Variants in LPCAT2 observed in about 807,000 individuals in gnomAD.
LPCAT2 encodes lysophosphatidylcholine acyltransferase 2.
In LPCAT2, 58 loss-of-function variants were observed where a neutral mutation model predicts 64.7. The ratio of observed to expected loss-of-function variants is 0.90; its 90% CI spans 0.73 to 1.12. The LOEUF (loss-of-function observed/expected upper bound fraction) is 1.12. Among genes scored for constraint, LPCAT2 ranks in the 50% most tolerant of loss-of-function variants. The pLI, the probability that LPCAT2 is intolerant of heterozygous loss-of-function variation, is 0.00. For missense variants in LPCAT2, 579 were observed against 669.8 expected (o/e 0.86, Z 1.50); for synonymous variants, 252 against 245.3 (o/e 1.03, Z -0.26).
At chr16:55,510,359 T>A (rs1596840798) in intron 1 of LPCAT2, among the ~76,000 whole-genome samples, 3 of 151,444 alleles carry the variant, frequency 2.0e-5, no homozygotes, top group Admixed American at 2.0e-4. Context: ...CCATTGGCAG[T>A]TGCACTCTTT....
At chr16:55,567,209 C>T in intron 11 of LPCAT2, 3 of 1,613,790 alleles carry the variant, frequency 1.9e-6, no homozygotes, top group East Asian at 2.2e-5. Flanking sequence ...GGAACAACAT[C>T]AAGAAATGGC....
At chr16:55,536,660 A>G (rs960675994) in intron 7 of LPCAT2, among the ~76,000 whole-genome samples, 1 of 152,160 alleles carries the variant, frequency 6.6e-6, no homozygotes, top group Non-Finnish European at 1.5e-5. Context: ...TTATGTTTTA[A>G]TTTCTTAACA....
At chr16:55,513,747 A>G (rs1962967501) in intron 1 of LPCAT2, among the ~76,000 whole-genome samples, 1 of 152,180 alleles carries the variant, frequency 6.6e-6, no homozygotes, top group African/African-American at 2.4e-5. Context: ...AGAGGGGGAA[A>G]AATAGTGTTG....
chr16:55,549,255 G>A, intron 9 of LPCAT2, 22 bp from the exon 10 acceptor site: 1 of 1,514,796 alleles, frequency 6.6e-7, no homozygotes, highest in Non-Finnish European at 8.8e-7. Flanking sequence ...ATGAATTTTA[G>A]TTTGCTTCTT....
chr16:55,531,542 A>G (rs1326700293), intron 4 of LPCAT2, among the ~76,000 whole-genome samples: 2 of 152,158 alleles, frequency 1.3e-5, no homozygotes, highest in African/African-American at 4.8e-5. Context: ...ACTGAAACAA[A>G]GTTGGAAATT....
rs777337774 is a variant in LPCAT2, at chr16:55,574,702, AGAG to A, written c.1291_1293del (p.Glu431del). Reference sequence around the variant, plus strand: ...CTGTCTTGTGCAACCCTTCCAACACAGAGGAGATCATCCAGGTGGCATTTAAGG... The same window carrying A: ...CTGTCTTGTGCAACCCTTCCAACACAGAGATCATCCAGGTGGCATTTAAGG... On this transcript the variant is annotated inframe_deletion, in exon 12 of 14. Transcript: ENST00000262134. 1.5e-5 allele frequency: 24 copies of A among 1,613,452 alleles called. No homozygotes were observed. Among genetic ancestry groups the A allele is most frequent in the Non-Finnish European group, 1.9e-5 (22 of 1,179,634 alleles).
chr16:55,541,287 G>T (rs1374565864), intron 8 of LPCAT2: 2 of 151,892 alleles, frequency 1.3e-5, no homozygotes, highest in Non-Finnish European at 1.5e-5. Context: ...TAATAGAAAG[G>T]TTTGTTTTTT....
intron 11 of LPCAT2, 39 bp downstream of exon 11, chr16:55,551,141 A>C: frequency 6.5e-7 from 1 of 1,543,424 alleles, no homozygotes; most frequent in Non-Finnish European, 8.8e-7. Context: ...TTACTCTGTC[A>C]GTCCTACAGT....
Position 55,556,561 on chromosome 16 carries a change from A to T in LPCAT2, c.1215+5459A>T, listed in dbSNP as rs149150224. On this transcript the variant is annotated intron_variant, in intron 11 of 13. Transcript: ENST00000262134. ...GGGAGGCCGAGGTGGGCAGATCACG[A>T]GGTCAGGAGATCGAGACCATCCTGG... 6.2e-3 allele frequency among the ~76,000 whole-genome samples: 938 copies of T among 152,236 alleles called. 10 individuals are homozygous for T. The highest frequency in any genetic ancestry group is 0.021 in the African/African-American group (885 of 41,546).
At position 55,522,692 on chromosome 16, in the gene LPCAT2, A is replaced by G. The variant is rs1255275272; in HGVS notation, c.172-2816A>G. Among the ~76,000 whole-genome samples the G allele has an allele frequency of 2.6e-5, 4 of 151,794 alleles. No homozygotes were observed. The South Asian group carries it at 8.3e-4, about 31-fold the overall frequency. ...CATTAATATTCAATTGATTTTTTGC[A>G]AAGTTACCAAGAAAATTCATTGAGA... On this transcript the variant is annotated intron_variant, in intron 1 of 13. Transcript: ENST00000262134.
At chr16:55,579,035 G>A in intron 12 of LPCAT2, 74 bp from the exon 13 acceptor site, 1 of 1,398,488 alleles carries the variant, frequency 7.2e-7, no homozygotes, top group Non-Finnish European at 9.9e-7. Context: ...AATTATTAAA[G>A]ACTTTATTTT....
At chr16:55,547,982 G>T (rs1963473008) in intron 9 of LPCAT2, among the ~76,000 whole-genome samples, 2 of 152,116 alleles carry the variant, frequency 1.3e-5, no homozygotes, top group Admixed American at 1.3e-4. Flanking sequence ...TGGCCAGGCT[G>T]GTCTCGAACT....
At chr16:55,582,337 T>A (rs1963896046) in intron 13 of LPCAT2, among the ~76,000 whole-genome samples, 1 of 152,202 alleles carries the variant, frequency 6.6e-6, no homozygotes, top group African/African-American at 2.4e-5. Flanking sequence ...ACTTTAACAG[T>A]TCACCCCTAA....
intron 1 of LPCAT2, among the ~76,000 whole-genome samples, chr16:55,522,369 T>C (rs1224846269): frequency 1.3e-5 from 2 of 151,724 alleles, no homozygotes; most frequent in African/African-American, 4.8e-5. Flanking sequence ...GTTTATGAAT[T>C]GGAAGAATCA....
intron 11 of LPCAT2, among the ~76,000 whole-genome samples, chr16:55,565,194 A>G (rs1179820231): frequency 7.8e-6 from 1 of 127,886 alleles, no homozygotes; most frequent in East Asian, 2.1e-4. Flanking sequence ...AAAACAAAAC[A>G]AAAGAGAAAA....
At chr16:55,540,045 C>G (rs1963377001) in intron 8 of LPCAT2, 1 of 152,096 alleles carries the variant, frequency 6.6e-6, no homozygotes, top group South Asian at 2.1e-4. Flanking sequence ...CAAGTCTCCC[C>G]TCAGTAATCA....
chr16:55,577,523 A>C (rs1260271935), intron 12 of LPCAT2, among the ~76,000 whole-genome samples: 1 of 152,116 alleles, frequency 6.6e-6, no homozygotes, highest in East Asian at 1.9e-4. Context: ...TGACAGTGGC[A>C]CCTACCATAA....
chr16:55,558,626 T>C (rs1963602506), intron 11 of LPCAT2, among the ~76,000 whole-genome samples: 1 of 152,182 alleles, frequency 6.6e-6, no homozygotes, highest in South Asian at 2.1e-4. Context: ...GTCAGGAAAC[T>C]TTTTCTGTAA....
intron 2 of LPCAT2, among the ~76,000 whole-genome samples, chr16:55,528,087 T>C (rs1963197834): frequency 6.6e-6 from 1 of 152,226 alleles, no homozygotes; most frequent in Non-Finnish European, 1.5e-5. Context: ...AATTAACTTC[T>C]CTGTGCCTCA....
Sources: gnomAD v4.1 joint callset for allele counts (sites outside exome capture counted in the v4.1 genomes callset) on GRCh38, gnomAD v4.1.1 for gene constraint, MANE v1.5 for transcripts, NCBI Gene and HGNC (gene_info 2026-07-23, HGNC 2026-07-21) for gene names.